Variants in PARP16 observed in about 807,000 individuals in gnomAD.
PARP16 encodes poly(ADP-ribose) polymerase family member 16.
Under a neutral mutation model 35.0 loss-of-function variants are expected in PARP16, and 31 were observed. The ratio of observed to expected loss-of-function variants is 0.88; its 90% confidence interval spans 0.66 to 1.19. PARP16 has a LOEUF of 1.19. Ranked by LOEUF, PARP16 falls within the 50% of genes most tolerant of loss-of-function variation. The probability of loss-of-function intolerance (pLI) is 0.00; values close to 1 mark genes in which losing one functional copy is unlikely to be tolerated. For missense variants in PARP16, 424 were observed against 411.2 expected, an observed-to-expected ratio of 1.03 and a Z score of -0.27; for synonymous variants, 162 against 169.5, an observed-to-expected ratio of 0.96 and a Z score of 0.34.
chr15:65,240,899 C>A (rs563148154), intron 3 of PARP16, among the ~76,000 whole-genome samples: 91 of 149,732 alleles, frequency 6.1e-4, no homozygotes, highest in African/African-American at 2.2e-3. Context: ...GTGGTGCAAT[C>A]TCGGCTCACT....
intron 3 of PARP16, among the ~76,000 whole-genome samples, chr15:65,235,968 C>T (rs184325289): frequency 1.5e-4 from 22 of 145,648 alleles, no homozygotes; most frequent in African/African-American, 5.6e-4. Context: ...AGCGATTCTT[C>T]TGCCTCAGCC....
At chr15:65,267,678 C>CT (rs556058787) in intron 2 of PARP16, among the ~76,000 whole-genome samples, 1,924 of 52,934 alleles carry the variant, frequency 0.036, 651 homozygotes, top group African/African-American at 0.075. Context: ...ATTTTCCTAA[C>CT]TTTTTTTTTT....
chr15:65,247,798 C>CTTTTTTTT (rs930896140), intron 3 of PARP16, among the ~76,000 whole-genome samples: 4 of 90,990 alleles, frequency 4.4e-5, no homozygotes, highest in Non-Finnish European at 6.4e-5. Context: ...ATGGATTGTT[C>CTTTTTTTT]TTTTTTTTTT....
At chr15:65,254,355 T>C (rs1355215348), downstream of PARP16, among the ~76,000 whole-genome samples, 1 of 152,172 alleles carries the variant, frequency 6.6e-6, no homozygotes, top group South Asian at 2.1e-4. Flanking sequence ...AAATGTCAGG[T>C]TGGAGACGCA....
At chr15:65,272,337 A>G (rs1371724412) in intron 1 of PARP16, among the ~76,000 whole-genome samples, 3 of 152,208 alleles carry the variant, frequency 2.0e-5, no homozygotes, top group Non-Finnish European at 4.4e-5. Context: ...GAAGAATCGG[A>G]ATCCTGAAAC....
At chr15:65,277,393 G>A (rs1595714988) in intron 1 of PARP16, among the ~76,000 whole-genome samples, 1 of 152,164 alleles carries the variant, frequency 6.6e-6, no homozygotes, top group South Asian at 2.1e-4. Context: ...ACTCCCTGAG[G>A]CCAACCACAT....
At chr15:65,284,960 G>C (rs1418040111) in intron 1 of PARP16, among the ~76,000 whole-genome samples, 2 of 151,776 alleles carry the variant, frequency 1.3e-5, no homozygotes, top group African/African-American at 4.8e-5. Flanking sequence ...TGGGACTACA[G>C]GCGTGCATCA....
chr15:65,240,315 G>T (rs879584933), intron 3 of PARP16, among the ~76,000 whole-genome samples: 2,412 of 112,700 alleles, frequency 0.021, 43 homozygotes, highest in Non-Finnish European at 0.032. Context: ...TGTGTGGTGG[G>T]GGGGGCTAGT....
At chr15:65,266,537 C>A in intron 3 of PARP16, 25 bp downstream of exon 3, 1 of 1,570,960 alleles carries the variant, frequency 6.4e-7, no homozygotes, top group South Asian at 1.1e-5. Context: ...TTCCCCACAT[C>A]AGCAGGGTGT....
chr15:65,268,757 T>G (rs1003607126), intron 2 of PARP16, among the ~76,000 whole-genome samples: 10 of 151,368 alleles, frequency 6.6e-5, no homozygotes, highest in African/African-American at 2.2e-4. Flanking sequence ...TTTCAGTGGT[T>G]TTTTCTTTTT....
intron 3 of PARP16, among the ~76,000 whole-genome samples, chr15:65,236,049 G>T (rs1465379149): frequency 6.6e-6 from 1 of 151,848 alleles, no homozygotes; most frequent in African/African-American, 2.4e-5. Flanking sequence ...AGTAGAGACA[G>T]GGTTTCATCA....
intron 4 of PARP16, among the ~76,000 whole-genome samples, chr15:65,261,644 C>T (rs747866133): frequency 2.0e-5 from 3 of 151,536 alleles, no homozygotes; most frequent in East Asian, 3.9e-4. Context: ...TTAGTAGAAA[C>T]GGGGTTTCAC....
chr15:65,257,268 T>G (rs2140811979), downstream of PARP16, among the ~76,000 whole-genome samples: 1 of 152,092 alleles, frequency 6.6e-6, no homozygotes, highest in Non-Finnish European at 1.5e-5. Context: ...AACACAAAAA[T>G]TAGCCAGGTG....
chr15:65,266,497 C>A, intron 3 of PARP16, 65 bp downstream of exon 3: 1 of 1,368,806 alleles, frequency 7.3e-7, no homozygotes, highest in Non-Finnish European at 1.0e-6. Context: ...CTGAATCTCC[C>A]CCTCCCCACT....
In PARP16 at chr15:65,236,835, G is replaced by GT. The variant is rs1413113315; in HGVS notation, c.*98-2013_*98-2012insA. Among the ~76,000 whole-genome samples the GT allele has an allele frequency of 5.9e-5, 9 of 152,144 alleles. No individual in the cohort carries two copies. In the East Asian group the frequency reaches 1.7e-3, roughly 29 times the overall value. On this transcript the variant is annotated intron_variant and NMD_transcript_variant, in intron 3 of 3. Coordinates refer to the PARP16 transcript ENST00000559805. ...AAAATACAAAAAATTAGCTGGATGT[G>GT]GTGGCGGGCACCTGTAGTCCCAGCT...
At position 65,286,689 on chromosome 15, in the gene PARP16, G is replaced by T; in HGVS notation, c.-263C>A. 86 of 290,868 alleles carry T rather than the reference G, an allele frequency of 3.0e-4. No individual in the cohort carries two copies. The highest frequency in any genetic ancestry group is 7.3e-4 in the East Asian group (12 of 16,378). 18.0% of individuals were successfully genotyped at this position (290,868 alleles called of 1,614,324 possible). ...GGTCGGCGGGGAGGTTGGGCCCAGGGATAAAGGAACTGGGGCTGGTGGGGG... is the reference window on the plus strand; with the variant it reads ...GGTCGGCGGGGAGGTTGGGCCCAGGTATAAAGGAACTGGGGCTGGTGGGGG... On this transcript the variant is annotated 5_prime_UTR_variant, in exon 1 of 6. Transcript: ENST00000649807.
chr15:65,286,593 C>T lies in PARP16; in HGVS notation c.-167G>A, dbSNP rs2090605449. ...TGAGATGACAGGGGTGAGAACGTGCCGACAAGTGTCCTCTGCCGGGGTCTG... is the reference window on the plus strand; with the variant it reads ...TGAGATGACAGGGGTGAGAACGTGCTGACAAGTGTCCTCTGCCGGGGTCTG... On this transcript the variant is annotated 5_prime_UTR_variant, in exon 1 of 6. Transcript: ENST00000649807. 4.0e-6 allele frequency: 2 copies of T among 495,904 alleles called. No individual in the cohort carries two copies. The highest frequency in any genetic ancestry group is 7.0e-6 in the Non-Finnish European group (2 of 285,652). 30.7% of individuals were successfully genotyped at this position (495,904 alleles called of 1,614,324 possible). A position where few individuals can be genotyped will look rare whatever the true frequency, so the allele number is the denominator to read the frequency against.
exon 3 of PARP16, chr15:65,248,225 G>C (rs535457490): frequency 6.6e-6 from 3 of 456,326 alleles, no homozygotes; most frequent in African/African-American, 4.0e-5. Context: ...CAGATTCCCA[G>C]TGCCTAGTGT....
At chr15:65,286,204 G>A in intron 1 of PARP16, 49 bp downstream of exon 1, 1 of 1,426,052 alleles carries the variant, frequency 7.0e-7, no homozygotes, top group Non-Finnish European at 9.3e-7. Context: ...GTTCCACAGG[G>A]CACTTGGTCC....
Sources: allele counts gnomAD v4.1 joint callset (sites outside exome capture counted in the v4.1 genomes callset), GRCh38; gene constraint gnomAD v4.1.1; transcripts MANE v1.5; gene names NCBI Gene and HGNC (gene_info 2026-07-23, HGNC 2026-07-21).